The following PTPRD variants were observed in gnomAD, a reference collection of about 807,000 sequenced individuals.
The protein encoded by PTPRD is protein tyrosine phosphatase receptor type D.
PTPRD carries 34 observed loss-of-function variants against 214.5 expected under a neutral mutation model. That is an observed-to-expected ratio of 0.16 (90% CI 0.12 to 0.21). PTPRD has a LOEUF of 0.21. PTPRD is among the 10% of genes least tolerant of loss of function. The pLI is 1.00. For synonymous variants in PTPRD, 1,128 were observed against 845.7 expected, an observed-to-expected ratio of 1.33 and a Z score of -5.79; for missense variants, 2,545 against 2,398.7, an observed-to-expected ratio of 1.06 and a Z score of -1.27.
chr9:8,955,706 C>T (rs1333396077), intron 11 of PTPRD, among the ~76,000 whole-genome samples: 1 of 151,696 alleles, frequency 6.6e-6, no homozygotes, highest in Admixed American at 6.6e-5. Context: ...TTCTTTGTCA[C>T]ATTTTGAAAC....
At chr9:10,083,943 T>C (rs1168484623) in intron 3 of PTPRD, among the ~76,000 whole-genome samples, 1 of 151,966 alleles carries the variant, frequency 6.6e-6, no homozygotes, top group African/African-American at 2.4e-5. Flanking sequence ...TCCACAGCAC[T>C]GGAGTTGGGG....
At chr9:9,813,804 C>T (rs538964276) in intron 5 of PTPRD, among the ~76,000 whole-genome samples, 21 of 151,996 alleles carry the variant, frequency 1.4e-4, no homozygotes, top group South Asian at 4.1e-4. Context: ...GATAAAGATG[C>T]GAAAAGAAAA....
At chr9:8,522,708 G>C (rs1055231044) in intron 19 of PTPRD, among the ~76,000 whole-genome samples, 1 of 152,140 alleles carries the variant, frequency 6.6e-6, no homozygotes, top group Non-Finnish European at 1.5e-5. Context: ...ATGTGTTTTG[G>C]ATGTGATACA....
At chr9:8,967,058 T>G (rs1396067926) in intron 11 of PTPRD, among the ~76,000 whole-genome samples, 1 of 151,390 alleles carries the variant, frequency 6.6e-6, no homozygotes, top group Non-Finnish European at 1.5e-5. Flanking sequence ...CTATCATCAC[T>G]AACATAAGAG....
intron 34 of PTPRD, among the ~76,000 whole-genome samples, chr9:8,439,870 C>T (rs2095483880): frequency 2.0e-5 from 3 of 149,390 alleles, no homozygotes; most frequent in Non-Finnish European, 3.0e-5. Flanking sequence ...GACCACTGCT[C>T]AGTCTATAAA....
chr9:10,459,726 C>A (rs948525768), intron 2 of PTPRD, among the ~76,000 whole-genome samples: 1 of 151,532 alleles, frequency 6.6e-6, no homozygotes, highest in African/African-American at 2.4e-5. Context: ...TCTGTTCACA[C>A]CCTTTGCCCA....
intron 9 of PTPRD, among the ~76,000 whole-genome samples, chr9:9,186,569 C>T (rs1219194092): frequency 2.0e-5 from 3 of 151,602 alleles, no homozygotes; most frequent in Non-Finnish European, 4.4e-5. Context: ...TGTAATGGTA[C>T]CACCGCACTC....
At chr9:8,720,687 G>GT (rs113484347) in intron 12 of PTPRD, among the ~76,000 whole-genome samples, 11,532 of 151,210 alleles carry the variant, frequency 0.076, 1,276 homozygotes, top group African/African-American at 0.25. Flanking sequence ...AAATTGATGT[G>GT]TTTTTTTTTA....
chr9:10,140,646 G>C (rs9644843), intron 3 of PTPRD, among the ~76,000 whole-genome samples: 34,665 of 151,828 alleles, frequency 0.23, 4,169 homozygotes, highest in South Asian at 0.39. Context: ...CAGATGGATT[G>C]ACAGCCGAAT....
intron 11 of PTPRD, among the ~76,000 whole-genome samples, chr9:8,758,425 G>T (rs181119318): frequency 5.9e-5 from 9 of 152,104 alleles, no homozygotes; most frequent in Non-Finnish European, 1.2e-4. Context: ...ATTAGGGTAT[G>T]ATATTTGATA....
chr9:9,324,735 C>T (rs1403431458), intron 9 of PTPRD, among the ~76,000 whole-genome samples: 1 of 152,016 alleles, frequency 6.6e-6, no homozygotes, highest in African/African-American at 2.4e-5. Context: ...GTTGCCATTG[C>T]TTTTGGTGTT....
chr9:10,028,186 T>A (rs1031894636), intron 4 of PTPRD, among the ~76,000 whole-genome samples: 3 of 152,202 alleles, frequency 2.0e-5, no homozygotes, highest in Admixed American at 2.0e-4. Flanking sequence ...TCTCTTCTCT[T>A]ATCTGCTGCC....
chr9:8,508,035 A>C (rs1162045228), intron 21 of PTPRD, among the ~76,000 whole-genome samples: 3 of 152,192 alleles, frequency 2.0e-5, no homozygotes, highest in African/African-American at 7.2e-5. Flanking sequence ...ACAAATAATG[A>C]CTTCTAATCT....
chr9:9,664,623 T>G (rs1351295285), intron 7 of PTPRD, among the ~76,000 whole-genome samples: 1 of 151,642 alleles, frequency 6.6e-6, no homozygotes, highest in East Asian at 1.9e-4. Flanking sequence ...GACAATTCAT[T>G]TTACTAGGAA....
intron 6 of PTPRD, among the ~76,000 whole-genome samples, chr9:9,736,025 T>C (rs1232354418): frequency 6.6e-6 from 1 of 152,134 alleles, no homozygotes; most frequent in East Asian, 1.9e-4. Context: ...TAAGTGTATA[T>C]GTATATACAA....
chr9:10,364,866 A>G (rs983849633), intron 2 of PTPRD, among the ~76,000 whole-genome samples: 2 of 152,312 alleles, frequency 1.3e-5, no homozygotes, highest in African/African-American at 2.4e-5. Context: ...TACATTTCCA[A>G]TTGTGCATTA....
At chr9:8,685,322 A>G (rs1484562668) in intron 12 of PTPRD, among the ~76,000 whole-genome samples, 1 of 152,166 alleles carries the variant, frequency 6.6e-6, no homozygotes, top group African/African-American at 2.4e-5. Flanking sequence ...CCAATGGAGC[A>G]ATACTCTTTC....
chr9:8,383,178 C>CT (rs2085722272), intron 37 of PTPRD, among the ~76,000 whole-genome samples: 1 of 152,344 alleles, frequency 6.6e-6, no homozygotes, highest in African/African-American at 2.4e-5. Flanking sequence ...AGCACAATCT[C>CT]TTTTTCTACT....
At chr9:8,779,136 A>G (rs1017124399) in intron 11 of PTPRD, among the ~76,000 whole-genome samples, 30 of 152,258 alleles carry the variant, frequency 2.0e-4, no homozygotes, top group African/African-American at 7.0e-4. Context: ...CCTGATGGAA[A>G]GACAGTATAC....
Sources: allele counts gnomAD v4.1 joint callset (sites outside exome capture counted in the v4.1 genomes callset), GRCh38; gene constraint gnomAD v4.1.1; transcripts MANE v1.5; gene names NCBI Gene and HGNC (gene_info 2026-07-23, HGNC 2026-07-21).